AP1G2: variants seen among roughly 807,000 people sequenced by gnomAD.
AP1G2 encodes the protein adaptor related protein complex 1 subunit gamma 2.
Under a neutral mutation model 95.8 loss-of-function variants are expected in AP1G2, and 85 were observed. That is an observed-to-expected ratio of 0.89 (90% CI 0.74 to 1.06). The LOEUF (loss-of-function observed/expected upper bound fraction) is 1.06, where lower values mean the gene tolerates loss of function less well. Ranked by LOEUF, AP1G2 falls within the 50% of genes least tolerant of loss-of-function variation. The probability of loss-of-function intolerance (pLI) is 0.00; values close to 1 mark genes in which losing one functional copy is unlikely to be tolerated. For synonymous variants in AP1G2, 378 were observed against 400.0 expected (o/e 0.94, Z 0.66); for missense variants, 967 against 1,005.8 (o/e 0.96, Z 0.52).
At chr14:23,562,853 T>C in intron 14 of AP1G2, 1 of 531,476 alleles carries the variant, frequency 1.9e-6, no homozygotes, top group Non-Finnish European at 3.2e-6. Flanking sequence ...AGTGCAGAGA[T>C]GGTGGGGGGT....
rs911462080 is a variant in AP1G2, at chr14:23,559,685, C to G, written c.*64G>C. ...TGCTGGTAGCCCTCAGGTGTAGGTTCGAAGCTGCTGGGGCCCCCTGGGGTT... is the reference window on the plus strand; with the variant it reads ...TGCTGGTAGCCCTCAGGTGTAGGTTGGAAGCTGCTGGGGCCCCCTGGGGTT... On this transcript the variant is annotated 3_prime_UTR_variant, in exon 22 of 22. Transcript: ENST00000397120. 1 of 1,502,496 alleles carries G rather than the reference C, an allele frequency of 6.7e-7. No homozygotes were observed. The highest frequency in any genetic ancestry group is 9.2e-7 in the Non-Finnish European group (1 of 1,088,542). 93.1% of individuals were successfully genotyped at this position (1,502,496 alleles called of 1,614,324 possible).
intron 7 of AP1G2, 186 bp from the exon 8 acceptor site, chr14:23,565,385 A>G: frequency 1.4e-6 from 1 of 718,012 alleles, no homozygotes; most frequent in Non-Finnish European, 2.3e-6. Context: ...GGAGTTTAGG[A>G]CAGGCTTAAA....
chr14:23,559,987 C>A lies in AP1G2; in HGVS notation c.2207G>T (p.Arg736Leu), dbSNP rs201878577. ...QAPSGNTVPA[R>L]GGLPITQLFR... ...GAGCTGGGTGATAGGAAGGCCACCCCGAGCTGGAACTGTGTTCCCACTGGG... is the reference window on the plus strand; with the variant it reads ...GAGCTGGGTGATAGGAAGGCCACCCAGAGCTGGAACTGTGTTCCCACTGGG... Residue 736 changes from arginine to leucine, a missense_variant, in exon 21 of 22, where the codon CGG becomes CTG. Arg to Leu is a moderately radical substitution (Grantham distance 102, BLOSUM62 -2). Coordinates refer to ENST00000397120, the MANE Select transcript of AP1G2 (RefSeq NM_003917.5). 2 of 1,612,888 alleles carry A rather than the reference C, an allele frequency of 1.2e-6. No homozygotes were observed. The highest frequency in any genetic ancestry group is 2.2e-5 in the East Asian group (1 of 44,888).
At chr14:23,562,756 A>AAG (rs67115645) in intron 14 of AP1G2, 163 bp from the exon 15 acceptor site, 9 of 671,406 alleles carry the variant, frequency 1.3e-5, no homozygotes, top group East Asian at 5.8e-5. Context: ...TAAAAAAAAA[A>AAG]AGAGAGAGAG....
intron 10 of AP1G2, 52 bp from the exon 11 acceptor site, chr14:23,564,211 C>G: frequency 6.2e-7 from 1 of 1,611,620 alleles, no homozygotes; most frequent in South Asian, 1.1e-5. Context: ...GCCCCCACTC[C>G]CCGTCCTGTC....
At position 23,565,807 on chromosome 14, in the gene AP1G2, C is replaced by T. The variant is rs77436356; in HGVS notation, c.645+9G>A. 13,295 of 1,587,640 alleles carry T rather than the reference C, an allele frequency of 8.4e-3. 67 individuals carry two copies. The highest frequency in any genetic ancestry group is 0.01 in the Non-Finnish European group (11,864 of 1,165,792). The stretch of plus-strand genomic sequence containing the variant: ...TCCAGGCCCAGGGCCTGCCCCTTCA[C>T]CAGCCCACCTTTCGGAAGTGCCTGA... On this transcript the variant is annotated intron_variant, in intron 6 of 21. Coordinates refer to ENST00000397120, the MANE Select transcript of AP1G2 (RefSeq NM_003917.5).
Position 23,561,397 on chromosome 14 carries a change from T to C in AP1G2, c.1892A>G (p.Asp631Gly), listed in dbSNP as rs763511307. Residue 631 changes from aspartate to glycine, a missense_variant, in exon 19 of 22, where the codon GAT becomes GGT. By Grantham distance (94) the Asp-to-Gly change is moderately conservative (BLOSUM62 -1). Coordinates refer to ENST00000397120, the MANE Select transcript of AP1G2 (RefSeq NM_003917.5). ...ATGCTGGACATCCCCAGAAGCCCCA[T>C]CCAGGAGATCTAGCAGATCCAGGAG... ...SQLLDLLDLL[D>G]GASGDVQHPP... 5 of 1,606,032 alleles carry C rather than the reference T, an allele frequency of 3.1e-6. No individual in the cohort carries two copies. The South Asian group carries it at 4.4e-5, about 14-fold the overall frequency.
chr14:23,563,721 T>C lies in AP1G2; in HGVS notation c.1227A>G (p.Ala409=), dbSNP rs2139239752. The C allele has an allele frequency of 6.2e-7, 1 of 1,614,174 alleles. No homozygotes were observed. The highest frequency in any genetic ancestry group is 2.2e-5 in the East Asian group (1 of 44,884). ...TCGACTCCTGGGCACCTCACCTCTCTGCAGCCAGCAGGATGCCTGAGGCAC... is the reference window on the plus strand; with the variant it reads ...TCGACTCCTGGGCACCTCACCTCTCCGCAGCCAGCAGGATGCCTGAGGCAC... ...ADCASGILLA[A]ERFAPTKRWH... is the part of the protein sequence containing the mutation. The change falls in exon 12 of 22, where the codon GCA becomes GCG. Residue 409 remains alanine (A), a synonymous_variant. Transcript: ENST00000397120.
Position 23,563,880 on chromosome 14 carries a change from T to C in AP1G2, c.1092-24A>G, listed in dbSNP as rs764224278. The C allele has an allele frequency of 3.7e-6, 6 of 1,611,006 alleles. No individual in the cohort carries two copies. In the African/African-American group the frequency reaches 6.7e-5, roughly 18 times the overall value. On this transcript the variant is annotated intron_variant, in intron 11 of 21. Transcript: ENST00000397120. ...TCCTGGCAGGAGAAAGAGGTTTCCA[T>C]GCAGGTAGCCCAGGTCATCCTGGTC...
rs1191045420 is a variant in AP1G2, at chr14:23,567,271, A to C, written c.44T>G (p.Ile15Ser). The C allele has an allele frequency of 1.2e-6, 2 of 1,613,062 alleles. No homozygotes were observed. Among genetic ancestry groups the C allele is most frequent in the Non-Finnish European group, 1.7e-6 (2 of 1,179,656 alleles). Residue 15 changes from isoleucine to serine, a missense_variant, in exon 2 of 22, where the codon ATT becomes AGT. Ile to Ser is a moderately radical substitution (Grantham distance 142). Coordinates refer to ENST00000397120, the MANE Select transcript of AP1G2 (RefSeq NM_003917.5). The surrounding 1 kb of genome is among the most constrained non-coding windows in gnomAD (Gnocchi z 5.3). ...SLKLQDLIEE[I>S]RGAKTQAQER... ...CTGGGCCTGAGTCTTGGCCCCGCGAATCTCTTCGATGAGGTCCTGAAGCTT... is the reference window on the plus strand; with the variant it reads ...CTGGGCCTGAGTCTTGGCCCCGCGACTCTCTTCGATGAGGTCCTGAAGCTT...
Position 23,561,997 on chromosome 14 carries a change from C to T in AP1G2, c.1698G>A (p.Glu566=), listed in dbSNP as rs761777964. ...CGTATTTCCGGAAGAGTGTGTCATA[C>T]TCCACAGCCCGCTGCTGCAGCTCCA... ...LDVELQQRAV[E]YDTLFRKYDH... The change falls in exon 17 of 22, where the codon GAG becomes GAA. Residue 566 remains glutamate, a synonymous_variant. Transcript: ENST00000397120. The T allele has an allele frequency of 1.5e-5, 25 of 1,613,158 alleles. No homozygotes were observed. Among genetic ancestry groups the T allele is most frequent in the Non-Finnish European group, 2.0e-5 (24 of 1,179,732 alleles).
chr14:23,559,653 C>T lies in AP1G2; in HGVS notation c.*96G>A, dbSNP rs1883080168. 5 of 1,107,944 alleles carry T rather than the reference C, an allele frequency of 4.5e-6. No individual in the cohort carries two copies. The highest frequency in any genetic ancestry group is 1.3e-5 in the South Asian group (1 of 75,470). The allele number at this position is 1,107,944 out of a possible 1,614,324, so 68.6% of individuals were successfully genotyped here. ...CAGTTTTTGCAGTGCAAAGCCAGAG[C>T]GCCACCTGCTGGTAGCCCTCAGGTG... is the stretch of plus-strand genomic sequence containing the variant. On this transcript the variant is annotated 3_prime_UTR_variant, in exon 22 of 22. Transcript: ENST00000397120.
chr14:23,565,809 AGCCCAC>A lies in AP1G2; in HGVS notation c.645+1_645+6del, dbSNP rs1378901729. On this transcript the variant is annotated splice_donor_variant and splice_donor_5th_base_variant and intron_variant, in intron 6 of 21. Transcript: ENST00000397120. LOFTEE classifies it high-confidence loss of function. ...CAGGCCCAGGGCCTGCCCCTTCACC[AGCCCAC>A]CTTTCGGAAGTGCCTGAGGGCTGCA... The A allele has an allele frequency of 1.3e-6, 2 of 1,586,532 alleles. No homozygotes were observed. Among genetic ancestry groups the A allele is most frequent in the Non-Finnish European group, 1.7e-6 (2 of 1,165,258 alleles).
intron 19 of AP1G2, chr14:23,561,072 GGT>G: frequency 7.8e-7 from 1 of 1,276,754 alleles, no homozygotes; most frequent in Non-Finnish European, 9.9e-7. Context: ...GTATAAGAAG[GGT>G]TGGGGAGGAA....
chr14:23,563,467 G>GT lies in AP1G2; in HGVS notation c.1322dup (p.Asn441LysfsTer57). 1 of 1,614,074 alleles carries GT rather than the reference G, an allele frequency of 6.2e-7. No homozygotes were observed. The highest frequency in any genetic ancestry group is 8.5e-7 in the Non-Finnish European group (1 of 1,179,970). ...GGGCCCCCCCAATCAGCTGGGTCAG[G>GT]TTGGCCACTGCATCATCCCGCACAT... On this transcript the variant is annotated frameshift_variant, in exon 14 of 22. Coordinates refer to ENST00000397120, the MANE Select transcript of AP1G2 (RefSeq NM_003917.5). LOFTEE classifies it high-confidence loss of function.
At chr14:23,565,294 G>T in intron 7 of AP1G2, 95 bp from the exon 8 acceptor site, 1 of 1,289,040 alleles carries the variant, frequency 7.8e-7, no homozygotes, top group Non-Finnish European at 1.1e-6. Context: ...GGTCTGGCTC[G>T]CTCCCTAGAG....
chr14:23,564,538 T>C, intron 9 of AP1G2, 24 bp downstream of exon 9: 3 of 1,610,048 alleles, frequency 1.9e-6, no homozygotes, highest in African/African-American at 1.3e-5. Flanking sequence ...GGGGCCGTAG[T>C]GGGAGAGGCA....
chr14:23,567,604 C>T lies in AP1G2; in HGVS notation c.-6+135G>A, dbSNP rs1413527307. 8 of 1,210,590 alleles carry T rather than the reference C, an allele frequency of 6.6e-6. No individual in the cohort carries two copies. Among genetic ancestry groups the T allele is most frequent in the Non-Finnish European group, 8.2e-6 (8 of 971,500 alleles). 75.0% of individuals were successfully genotyped at this position (1,210,590 alleles called of 1,614,324 possible). A position where few individuals can be genotyped will look rare whatever the true frequency, so the allele number is the denominator to read the frequency against. ...ACCGTTTCCTCCCCCTACCTGGTAC[C>T]CCATCCCTAGCTCAGCCATTGCTTT... On this transcript the variant is annotated intron_variant, in intron 1 of 21. Transcript: ENST00000397120. The surrounding 1 kb of genome is among the most constrained non-coding windows in gnomAD (Gnocchi z 5.3).
Position 23,567,597 on chromosome 14 carries a change from C to T in AP1G2, c.-6+142G>A. The T allele has an allele frequency of 8.1e-7, 1 of 1,233,702 alleles. No homozygotes were observed. Among genetic ancestry groups the T allele is most frequent in the Non-Finnish European group, 1.0e-6 (1 of 986,030 alleles). 76.4% of individuals were successfully genotyped at this position (1,233,702 alleles called of 1,614,324 possible). A position where few individuals can be genotyped will look rare whatever the true frequency, so the allele number is the denominator to read the frequency against. ...TCTCTCTACCGTTTCCTCCCCCTAC[C>T]TGGTACCCCATCCCTAGCTCAGCCA... On this transcript the variant is annotated intron_variant, in intron 1 of 21. Transcript: ENST00000397120. This position sits in a 1 kb window ranked among gnomAD's most constrained non-coding sequence, Gnocchi z 5.3.
Sources: allele counts gnomAD v4.1 joint callset, GRCh38; gene constraint gnomAD v4.1.1; non-coding constraint Gnocchi (gnomAD v3.1); transcripts MANE v1.5; gene names NCBI Gene and HGNC (gene_info 2026-07-23, HGNC 2026-07-21).